Variants in C5 observed in about 807,000 individuals in gnomAD.
C5 encodes C3 and PZP-like alpha-2-macroglobulin domain-containing protein 4.
C5 carries 140 observed loss-of-function variants against 218.8 expected under a neutral mutation model. The observed-to-expected ratio is 0.64, with a 90% CI of 0.56 to 0.74. The LOEUF (loss-of-function observed/expected upper bound fraction) is 0.74. Among genes scored for constraint, C5 ranks in the 30% least tolerant of loss-of-function variants. C5 has a pLI of 0.00. For synonymous variants in C5, 614 were observed against 682.3 expected (o/e 0.90, Z 1.56); for missense variants, 1,700 against 1,969.6 (o/e 0.86, Z 2.59).
At chr9:120,992,272 G>T (rs2047082264) in intron 22 of C5, among the ~76,000 whole-genome samples, 1 of 152,232 alleles carries the variant, frequency 6.6e-6, no homozygotes, top group South Asian at 2.1e-4. Context: ...CTTGATAAAT[G>T]CAGAGGATAT....
chr9:120,973,808 T>A (rs1467393803), intron 30 of C5, among the ~76,000 whole-genome samples: 2 of 152,102 alleles, frequency 1.3e-5, no homozygotes, highest in African/African-American at 4.8e-5. Context: ...TGAAACCCCA[T>A]ATCTACCAAA....
the C5 span, among the ~76,000 whole-genome samples, chr9:121,061,050 T>A: frequency 2.0e-5 from 3 of 152,018 alleles, no homozygotes; most frequent in African/African-American, 7.3e-5. Context: ...TAGCTGGGTG[T>A]GGTGGTGGGC....
At chr9:121,003,126 A>G (rs1392097658) in intron 20 of C5, among the ~76,000 whole-genome samples, 2 of 152,120 alleles carry the variant, frequency 1.3e-5, no homozygotes, top group Admixed American at 1.3e-4. Context: ...CCCTGTCTCT[A>G]CTAAAAATGC....
At chr9:121,003,088 C>T (rs949504870) in intron 20 of C5, among the ~76,000 whole-genome samples, 3 of 152,050 alleles carry the variant, frequency 2.0e-5, no homozygotes, top group African/African-American at 4.8e-5. Flanking sequence ...GTCAGGAGTT[C>T]GAGACCAGCC....
chr9:121,008,423 T>C lies in C5; in HGVS notation c.2333A>G (p.His778Arg), dbSNP rs772994384. The change falls in exon 18 of 41, where the codon CAT (histidine) becomes CGT (arginine). Residue 778 changes from histidine (H) to arginine (R), a missense_variant. By Grantham distance (29) the His-to-Arg change is conservative (BLOSUM62 0). Transcript: ENST00000223642. ...YFPESWLWEV[H>R]LVPRRKQLQF... ...AGTATAATACCTTCTGGGAACAAGA[T>C]GAACTTCCCACAACCAGCTTTCTGG... The C allele has an allele frequency of 1.2e-6, 2 of 1,613,114 alleles. No homozygotes were observed. The highest frequency in any genetic ancestry group is 1.7e-6 in the Non-Finnish European group (2 of 1,179,154).
chr9:121,067,532 C>T, the C5 span, among the ~76,000 whole-genome samples: 11 of 149,180 alleles, frequency 7.4e-5, no homozygotes, highest in East Asian at 3.9e-4. Context: ...CCACTGCATT[C>T]GCAGCTTGGT....
chr9:120,959,901 GTC>G (rs576774659), intron 38 of C5, among the ~76,000 whole-genome samples: 51 of 152,108 alleles, frequency 3.4e-4, no homozygotes, highest in Non-Finnish European at 7.2e-4. Context: ...TCTGCCTCTG[GTC>G]TATCAATTGG....
chr9:121,074,724 C>G, the C5 span: 1 of 440,456 alleles, frequency 2.3e-6, no homozygotes, highest in East Asian at 7.0e-5. Context: ...GAAACCTCGG[C>G]TCCCCCTGAC....
At chr9:121,029,806 T>C (rs934466465) in intron 7 of C5, among the ~76,000 whole-genome samples, 1 of 152,222 alleles carries the variant, frequency 6.6e-6, no homozygotes, top group Non-Finnish European at 1.5e-5. Context: ...TCTTTGAGTG[T>C]TGCTGCTGCT....
At chr9:120,999,442 A>C (rs1240878731) in intron 20 of C5, among the ~76,000 whole-genome samples, 2 of 152,168 alleles carry the variant, frequency 1.3e-5, no homozygotes, top group Non-Finnish European at 2.9e-5. Flanking sequence ...CTAGAGGACA[A>C]AGTAGGGAAT....
rs1383570729 is a variant in C5, at chr9:121,032,123, A to C, written c.657T>G (p.Val219=). 6.3e-7 allele frequency: 1 copy of C among 1,592,448 alleles called. No individual in the cohort carries two copies. The highest frequency in any genetic ancestry group is 2.2e-5 in the East Asian group (1 of 44,754). ...FSTTGTAYFE[V]KEYVLPHFSV... ...CTTGTCAGAAATTACCATATTCTTTAACTTCAAAATATGCGGTTCCAGTTG... is the reference window on the plus strand; with the variant it reads ...CTTGTCAGAAATTACCATATTCTTTCACTTCAAAATATGCGGTTCCAGTTG... The change falls in exon 6 of 41, where the codon GTT becomes GTG. Residue 219 remains valine (V), a synonymous_variant. Transcript: ENST00000223642.
chr9:121,046,531 G>T (rs2047629437), intron 1 of C5, 148 bp from the exon 2 acceptor site: 1 of 637,720 alleles, frequency 1.6e-6, no homozygotes, highest in East Asian at 2.9e-5. Flanking sequence ...AAATGTACTT[G>T]TGACCCACCA....
At chr9:120,968,268 G>A (rs935196894) in intron 33 of C5, among the ~76,000 whole-genome samples, 5 of 152,184 alleles carry the variant, frequency 3.3e-5, no homozygotes, top group African/African-American at 1.2e-4. Flanking sequence ...GTGTGATGAT[G>A]GAAGCAGAGG....
rs764862347 is a variant in C5, at chr9:121,021,745, A to G, written c.1117-51T>C. The G allele has an allele frequency of 2.9e-6, 4 of 1,388,968 alleles. No individual in the cohort carries two copies. The South Asian group carries it at 4.6e-5, about 16-fold the overall frequency. The allele number at this position is 1,388,968 out of a possible 1,614,324, so 86.0% of individuals were successfully genotyped here. On this transcript the variant is annotated intron_variant, in intron 10 of 40. Coordinates refer to ENST00000223642, the MANE Select transcript of C5 (RefSeq NM_001735.3). ...ATTTCAACAGCTCATCACTTATTTT[A>G]AAGCACAATTCTGAAATAATTTTCC...
At chr9:121,060,353 C>T in the C5 span, among the ~76,000 whole-genome samples, 1 of 152,220 alleles carries the variant, frequency 6.6e-6, no homozygotes, top group South Asian at 2.1e-4. Context: ...ATTAATAACT[C>T]TTCTGAGAAC....
intron 9 of C5, 92 bp downstream of exon 9, chr9:121,025,362 A>C: frequency 7.8e-7 from 1 of 1,285,796 alleles, no homozygotes; most frequent in Middle Eastern, 2.8e-4. Flanking sequence ...TAATTATAGA[A>C]ATTGGAAATT....
chr9:120,968,452 T>A lies in C5; in HGVS notation c.4220+609A>T, dbSNP rs1056305807. Among the ~76,000 whole-genome samples, 9 of 152,294 alleles carry A rather than the reference T, an allele frequency of 5.9e-5. No individual in the cohort carries two copies. The East Asian group carries it at 1.7e-3, about 29-fold the overall frequency. On this transcript the variant is annotated intron_variant, in intron 33 of 40. Transcript: ENST00000223642. ...TTTTGGGACTTCTCACCTCTAGAATTGCAAGATAGTAAAACTGTGTTGGTT... is the reference window on the plus strand; with the variant it reads ...TTTTGGGACTTCTCACCTCTAGAATAGCAAGATAGTAAAACTGTGTTGGTT...
chr9:120,997,003 A>T (rs1338900767), intron 21 of C5, among the ~76,000 whole-genome samples: 1 of 152,016 alleles, frequency 6.6e-6, no homozygotes, highest in Non-Finnish European at 1.5e-5. Context: ...ACTGTGGGTA[A>T]ATTGTACTTA....
At chr9:120,959,143 A>G (rs1588164048) in intron 38 of C5, among the ~76,000 whole-genome samples, 1 of 152,064 alleles carries the variant, frequency 6.6e-6, no homozygotes, top group Non-Finnish European at 1.5e-5. Context: ...TTCCATTGCA[A>G]TGAGAAACTG....
Sources: gnomAD v4.1 joint callset for allele counts (sites outside exome capture counted in the v4.1 genomes callset) on GRCh38, gnomAD v4.1.1 for gene constraint, MANE v1.5 for transcripts, NCBI Gene and HGNC (gene_info 2026-07-23, HGNC 2026-07-21) for gene names.